FBXO39: variants seen among roughly 807,000 people sequenced by gnomAD.
FBXO39 encodes F-box only protein 39.
FBXO39 carries 22 observed loss-of-function variants against 36.6 expected under a neutral mutation model. The observed-to-expected ratio is 0.60, with a 90% confidence interval of 0.43 to 0.86. The LOEUF is 0.86. Among genes scored for constraint, FBXO39 ranks in the 40% least tolerant of loss-of-function variants. FBXO39 has a pLI of 0.00. For synonymous variants in FBXO39, 206 were observed against 205.8 expected, an observed-to-expected ratio of 1.00 and a Z score of -0.01; for missense variants, 536 against 543.9, an observed-to-expected ratio of 0.99 and a Z score of 0.14.
At chr17:6,776,430 T>C (rs1401948030) in intron 1 of FBXO39, among the ~76,000 whole-genome samples, 158 bp downstream of exon 1, 1 of 116,960 alleles carries the variant, frequency 8.5e-6, no homozygotes. Flanking sequence ...CATCTTTGGC[T>C]GCAGGAGTTG....
At chr17:6,787,251 TGTGC>T in intron 3 of FBXO39, 45 bp from the exon 4 acceptor site, 2 of 1,571,498 alleles carry the variant, frequency 1.3e-6, no homozygotes, top group Non-Finnish European at 8.7e-7. Flanking sequence ...TGTGTGTGTG[TGTGC>T]GTGTGTGCGT....
intron 3 of FBXO39, 148 bp downstream of exon 3, chr17:6,787,104 C>A: frequency 7.7e-7 from 1 of 1,301,564 alleles, no homozygotes; most frequent in African/African-American, 1.5e-5. Flanking sequence ...GAATCTGGAG[C>A]TCTCTTTTCT....
chr17:6,786,991 G>T (rs771898418), intron 3 of FBXO39, 35 bp downstream of exon 3: 11 of 1,582,916 alleles, frequency 6.9e-6, no homozygotes, highest in Non-Finnish European at 9.4e-6. Flanking sequence ...ACGGCGTAGA[G>T]TGGGGGCATC....
At chr17:6,785,633 G>A (rs1361248577) in intron 2 of FBXO39, among the ~76,000 whole-genome samples, 2 of 151,458 alleles carry the variant, frequency 1.3e-5, no homozygotes, top group Non-Finnish European at 2.9e-5. Flanking sequence ...AGAATATACA[G>A]AGCTCAAACA....
chr17:6,784,421 G>A (rs1407663873), intron 2 of FBXO39, among the ~76,000 whole-genome samples: 2 of 152,000 alleles, frequency 1.3e-5, no homozygotes, highest in East Asian at 3.9e-4. Context: ...AGAGCAATCA[G>A]ATGAGAGAAA....
chr17:6,784,943 G>T (rs976624178), intron 2 of FBXO39, among the ~76,000 whole-genome samples: 5 of 128,482 alleles, frequency 3.9e-5, no homozygotes, highest in Non-Finnish European at 7.6e-5. Flanking sequence ...GTGTGTGTGT[G>T]TGTGTGTGTG....
chr17:6,787,099 T>C, intron 3 of FBXO39, 143 bp downstream of exon 3: 1 of 1,309,974 alleles, frequency 7.6e-7, no homozygotes, highest in South Asian at 1.5e-5. Context: ...GAAGGGAATC[T>C]GGAGCTCTCT....
chr17:6,784,818 C>G (rs780278563), intron 2 of FBXO39, among the ~76,000 whole-genome samples: 1 of 151,786 alleles, frequency 6.6e-6, no homozygotes, highest in Non-Finnish European at 1.5e-5. Flanking sequence ...TCAATGTTGT[C>G]AAAATGTTTA....
At chr17:6,787,009 G>C (rs2151575764) in intron 3 of FBXO39, 53 bp downstream of exon 3, 9 of 1,557,380 alleles carry the variant, frequency 5.8e-6, no homozygotes, top group Non-Finnish European at 7.8e-6. Context: ...ATCCAGGAAT[G>C]GTGCTTCTGC....
chr17:6,787,595 GC>G lies in FBXO39; in HGVS notation c.*170del. 1 of 671,592 alleles carries G rather than the reference GC, an allele frequency of 1.5e-6. No individual in the cohort carries two copies. Among genetic ancestry groups the G allele is most frequent in the Non-Finnish European group, 2.4e-6 (1 of 412,178 alleles). The allele number at this position is 671,592 out of a possible 1,614,324, so 41.6% of individuals were successfully genotyped here. A position where few individuals can be genotyped will look rare whatever the true frequency, so the allele number is the denominator to read the frequency against. On this transcript the variant is annotated 3_prime_UTR_variant, in exon 4 of 4. Transcript: ENST00000321535. Reference sequence around the variant, plus strand: ...GACCAGCTCAGCAAAGGCTGAGACTGCCCATGACCTGAAGGCTCCAGGTGGC... The same window carrying G: ...GACCAGCTCAGCAAAGGCTGAGACTGCCATGACCTGAAGGCTCCAGGTGGC...
In FBXO39 at chr17:6,780,785, T is replaced by C; in HGVS notation, c.917T>C (p.Ile306Thr). 4.3e-6 allele frequency: 7 copies of C among 1,614,046 alleles called. No individual in the cohort carries two copies. The highest frequency in any genetic ancestry group is 5.9e-6 in the Non-Finnish European group (7 of 1,180,004). The change falls in exon 2 of 4, where the codon ATC (isoleucine) becomes ACC (threonine). Residue 306 changes from isoleucine (I) to threonine (T), a missense_variant. By Grantham distance (89) the Ile-to-Thr change is moderately conservative. Transcript: ENST00000321535. ...ERLARILLQE[I>T]PIRSISLRSC... ...TTGGCCCGAATCCTCTTGCAGGAGA[T>C]CCCGATCAGGAGCATCAGTCTGAGA... is the stretch of plus-strand genomic sequence containing the variant.
chr17:6,784,232 C>G (rs984894146), intron 2 of FBXO39, among the ~76,000 whole-genome samples: 2 of 152,004 alleles, frequency 1.3e-5, no homozygotes, highest in African/African-American at 4.8e-5. Flanking sequence ...GATTAAAACT[C>G]TCAAAAAACT....
intron 2 of FBXO39, among the ~76,000 whole-genome samples, chr17:6,785,358 G>A (rs1398527036): frequency 1.3e-5 from 2 of 152,100 alleles, no homozygotes; most frequent in African/African-American, 2.4e-5. Context: ...ATGGACTAAA[G>A]ACTTCAATCT....
chr17:6,787,252 G>T (rs780297124), intron 3 of FBXO39, 48 bp from the exon 4 acceptor site: 1 of 1,591,058 alleles, frequency 6.3e-7, no homozygotes, highest in Non-Finnish European at 8.6e-7. Flanking sequence ...GTGTGTGTGT[G>T]TGCGTGTGTG....
In FBXO39 at chr17:6,787,424, TG is replaced by T; in HGVS notation, c.1326del (p.Met442IlefsTer22). The T allele has an allele frequency of 6.2e-7, 1 of 1,613,920 alleles. No homozygotes were observed. The highest frequency in any genetic ancestry group is 8.5e-7 in the Non-Finnish European group (1 of 1,179,862). On this transcript the variant is annotated frameshift_variant, in exon 4 of 4. Coordinates refer to ENST00000321535, the MANE Select transcript of FBXO39 (RefSeq NM_153230.3). LOFTEE classifies it high-confidence loss of function. ...TATTTTGTCATCGTTTACTCTGTGA[TG>T]TAATGAGCACTCTACAGATGAAGAA... ...LSYFVIVYSV[M>X]
chr17:6,787,086 A>G, intron 3 of FBXO39, 130 bp downstream of exon 3: 1 of 1,338,110 alleles, frequency 7.5e-7, no homozygotes, highest in Non-Finnish European at 1.0e-6. Flanking sequence ...CAGCAGTTTC[A>G]AAGAAGGGAA....
Position 6,781,807 on chromosome 17 carries a change from C to T in FBXO39, c.1023+916C>T, listed in dbSNP as rs192320338. Among the ~76,000 whole-genome samples, 77 of 152,274 alleles carry T rather than the reference C, an allele frequency of 5.1e-4. No individual in the cohort carries two copies. In the East Asian group the frequency reaches 0.012, roughly 24 times the overall value. On this transcript the variant is annotated intron_variant, in intron 2 of 3. Coordinates refer to ENST00000321535, the MANE Select transcript of FBXO39 (RefSeq NM_153230.3). ...TCCAATGTCCCTTATCTAAAAAGCCCCCAAATTCCATTAACACCAGACCTG... is the reference window on the plus strand; with the variant it reads ...TCCAATGTCCCTTATCTAAAAAGCCTCCAAATTCCATTAACACCAGACCTG...
chr17:6,778,269 G>T (rs2151572409), intron 1 of FBXO39, among the ~76,000 whole-genome samples: 1 of 152,318 alleles, frequency 6.6e-6, no homozygotes, highest in Middle Eastern at 3.4e-3. Flanking sequence ...GCCTATGGTG[G>T]GGGCAACGGA....
rs747111684 is a variant in FBXO39 at position 6,786,827 on chromosome 17, G to A, written c.1071G>A (p.Glu357=). 6.2e-7 allele frequency: 1 copy of A among 1,613,410 alleles called. No homozygotes were observed. Among genetic ancestry groups the A allele is most frequent in the South Asian group, 1.1e-5 (1 of 91,018 alleles). The change falls in exon 3 of 4, where the codon GAG becomes GAA. Residue 357 remains glutamate, a synonymous_variant. Coordinates refer to ENST00000321535, the MANE Select transcript of FBXO39 (RefSeq NM_153230.3). ...ACAACCATGAGTCACTCGACGAGGAGCTGCACCTCCTCATCATATCCTGCA... is the reference window on the plus strand; with the variant it reads ...ACAACCATGAGTCACTCGACGAGGAACTGCACCTCCTCATCATATCCTGCA... ...FNNNHESLDE[E]LHLLIISCRK...
Sources: allele counts gnomAD v4.1 joint callset (sites outside exome capture counted in the v4.1 genomes callset), GRCh38; gene constraint gnomAD v4.1.1; transcripts MANE v1.5; gene names NCBI Gene and HGNC (gene_info 2026-07-23, HGNC 2026-07-21).